EYA4: variants seen among roughly 807,000 people sequenced by gnomAD.
The protein encoded by EYA4 is protein phosphatase EYA4.
In EYA4, 31 loss-of-function variants were observed where a neutral mutation model predicts 87.9. The observed-to-expected ratio is 0.35, with a 90% CI of 0.27 to 0.48. EYA4 has a LOEUF of 0.48. EYA4 is among the 20% of genes least tolerant of loss of function. EYA4 has a pLI of 0.99. For synonymous variants in EYA4, 263 were observed against 270.6 expected, an observed-to-expected ratio of 0.97 and a Z score of 0.28; for missense variants, 678 against 761.4, an observed-to-expected ratio of 0.89 and a Z score of 1.29.
chr6:133,340,777 T>C (rs922690192), intron 2 of EYA4, among the ~76,000 whole-genome samples: 1 of 152,160 alleles, frequency 6.6e-6, no homozygotes, highest in Non-Finnish European at 1.5e-5. Flanking sequence ...GTGAGTCATA[T>C]GGAAAGCCAC....
At chr6:133,277,445 T>C (rs1777269325) in intron 2 of EYA4, among the ~76,000 whole-genome samples, 1 of 152,244 alleles carries the variant, frequency 6.6e-6, no homozygotes, top group East Asian at 1.9e-4. Context: ...TTAAATGCTT[T>C]AAAACCTTTG....
intron 13 of EYA4, among the ~76,000 whole-genome samples, chr6:133,498,377 T>C (rs754262954): frequency 2.6e-5 from 4 of 152,154 alleles, no homozygotes; most frequent in Non-Finnish European, 5.9e-5. Context: ...AGGAGAATAA[T>C]AAAAGTAGTA....
intron 2 of EYA4, among the ~76,000 whole-genome samples, chr6:133,349,722 C>T (rs143154290): frequency 1.5e-4 from 23 of 152,074 alleles, no homozygotes; most frequent in African/African-American, 5.3e-4. Flanking sequence ...AATCAGTGGG[C>T]TACATCTCAT....
At position 133,515,592 on chromosome 6, in the gene EYA4, T is replaced by TGAGA. The variant is rs72138737; in HGVS notation, c.1616+173_1616+176dup. On this transcript the variant is annotated intron_variant, in intron 17 of 19. Coordinates refer to ENST00000355286, the MANE Select transcript of EYA4 (RefSeq NM_004100.5). The stretch of plus-strand genomic sequence containing the variant: ...TTTTTTCAATTTCAGTGCATGTGCA[T>TGAGA]GAGAGAGAGAGAGAGAGAGTGTGTG... 7.3e-3 allele frequency among the ~76,000 whole-genome samples: 1,067 copies of TGAGA among 146,258 alleles called. 7 individuals carry two copies. Among genetic ancestry groups the TGAGA allele is most frequent in the Non-Finnish European group, 7.6e-3 (511 of 66,904 alleles).
intron 2 of EYA4, among the ~76,000 whole-genome samples, chr6:133,335,616 A>G (rs1394398945): frequency 6.6e-6 from 1 of 152,202 alleles, no homozygotes; most frequent in Admixed American, 6.5e-5. Flanking sequence ...GAAGGGATTG[A>G]TTGAAGACTA....
chr6:133,352,029 C>G (rs981081367), intron 2 of EYA4, among the ~76,000 whole-genome samples: 2 of 151,414 alleles, frequency 1.3e-5, no homozygotes, highest in African/African-American at 4.8e-5. Flanking sequence ...TGAATCTCTT[C>G]TTTATTTATT....
Position 133,396,679 on chromosome 6 carries a change from G to A in EYA4, c.83+14238G>A, listed in dbSNP as rs534464069. Among the ~76,000 whole-genome samples, 7 of 152,198 alleles carry A rather than the reference G, an allele frequency of 4.6e-5. No homozygotes were observed. The South Asian group carries it at 1.5e-3, about 32-fold the overall frequency. On this transcript the variant is annotated intron_variant, in intron 3 of 19. Transcript: ENST00000355286. ...AAAGAGAAACAATGATGAAAACCATGGTATAGAGAAAAAATGAGGAGAGGG... is the reference window on the plus strand; with the variant it reads ...AAAGAGAAACAATGATGAAAACCATAGTATAGAGAAAAAATGAGGAGAGGG...
At chr6:133,347,826 T>G (rs1783311583) in intron 2 of EYA4, among the ~76,000 whole-genome samples, 1 of 152,222 alleles carries the variant, frequency 6.6e-6, no homozygotes, top group African/African-American at 2.4e-5. Flanking sequence ...AGATACTGCA[T>G]GTTTCAAACT....
chr6:133,289,131 C>T (rs942008395), intron 2 of EYA4, among the ~76,000 whole-genome samples: 3 of 152,178 alleles, frequency 2.0e-5, no homozygotes, highest in Non-Finnish European at 4.4e-5. Context: ...GGAGAATAGA[C>T]TTCAAGTTGT....
chr6:133,431,363 G>A (rs1791168099), intron 3 of EYA4, among the ~76,000 whole-genome samples: 1 of 152,106 alleles, frequency 6.6e-6, no homozygotes, highest in African/African-American at 2.4e-5. Context: ...TGTGGCTTGG[G>A]GAGATAAAGT....
intron 2 of EYA4, among the ~76,000 whole-genome samples, chr6:133,325,995 G>C (rs150840744): frequency 1.3e-3 from 200 of 152,310 alleles, no homozygotes; most frequent in Non-Finnish European, 2.3e-3. Context: ...CCTGTTTGGT[G>C]GTCTGCCTCT....
At chr6:133,456,671 C>G (rs762592222) in intron 6 of EYA4, 23 bp downstream of exon 6, 1 of 1,426,612 alleles carries the variant, frequency 7.0e-7, no homozygotes, top group Admixed American at 1.7e-5. Context: ...GCTCGTGTGT[C>G]CTTACGTACA....
chr6:133,518,668 A>C (rs909887301), intron 17 of EYA4, among the ~76,000 whole-genome samples: 4 of 152,166 alleles, frequency 2.6e-5, no homozygotes, highest in Admixed American at 6.6e-5. Flanking sequence ...AAAGCCACTT[A>C]AGCAACTCAA....
At chr6:133,278,283 C>T (rs1582827153) in intron 2 of EYA4, among the ~76,000 whole-genome samples, 1 of 152,142 alleles carries the variant, frequency 6.6e-6, no homozygotes, top group Non-Finnish European at 1.5e-5. Context: ...TCTCAGACTA[C>T]CTCCTTTCTT....
intron 11 of EYA4, among the ~76,000 whole-genome samples, chr6:133,474,928 A>G (rs1268591326): frequency 6.6e-6 from 1 of 152,146 alleles, no homozygotes; most frequent in Non-Finnish European, 1.5e-5. Context: ...CTTATGTTCA[A>G]TAAGAGACAG....
chr6:133,506,855 A>G (rs1798676890), intron 14 of EYA4, among the ~76,000 whole-genome samples: 1 of 152,210 alleles, frequency 6.6e-6, no homozygotes, highest in Non-Finnish European at 1.5e-5. Flanking sequence ...TACTGCAATA[A>G]AGTATGCCAT....
At chr6:133,360,561 A>AT (rs1467688011) in intron 2 of EYA4, 1 of 152,222 alleles carries the variant, frequency 6.6e-6, no homozygotes, top group Non-Finnish European at 1.5e-5. Context: ...TTTCAAAGAA[A>AT]TTGAGTGTCA....
rs370264135 is a variant in EYA4, at chr6:133,490,558, G to C, written c.1191+7443G>C. 9.9e-5 allele frequency among the ~76,000 whole-genome samples: 15 copies of C among 151,746 alleles called. No individual in the cohort carries two copies. In the East Asian group the frequency reaches 1.2e-3, roughly 12 times the overall value. ...AGCTATACTTATAATCATCAAAGTG[G>C]ATTTCAACACAAAAAGTAAAACAAA... is the stretch of plus-strand genomic sequence containing the variant. On this transcript the variant is annotated intron_variant, in intron 13 of 19. Transcript: ENST00000355286.
At chr6:133,385,436 TGTGTGAGA>T (rs764714794) in intron 3 of EYA4, among the ~76,000 whole-genome samples, 20 of 121,670 alleles carry the variant, frequency 1.6e-4, no homozygotes, top group African/African-American at 4.5e-4. Flanking sequence ...TGTGTGTGTG[TGTGTGAGA>T]GAGAGAGAGA....
Sources: gnomAD v4.1 joint callset for allele counts (sites outside exome capture counted in the v4.1 genomes callset) on GRCh38, gnomAD v4.1.1 for gene constraint, MANE v1.5 for transcripts, NCBI Gene and HGNC (gene_info 2026-07-23, HGNC 2026-07-21) for gene names.